RUNX1: variants seen among roughly 807,000 people sequenced by gnomAD.
RUNX1 encodes the protein RUNX family transcription factor 1, also known as runt-related transcription factor 1.
RUNX1 carries 19 observed loss-of-function variants against 42.8 expected under a neutral mutation model. The observed-to-expected ratio is 0.44, with a 90% confidence interval of 0.31 to 0.65. The LOEUF is 0.65. Among genes scored for constraint, RUNX1 ranks in the 30% least tolerant of loss-of-function variants. The pLI, the probability that RUNX1 is intolerant of heterozygous loss-of-function variation, is 0.07. For missense variants in RUNX1, 528 were observed against 672.0 expected, an observed-to-expected ratio of 0.79 and a Z score of 2.37; for synonymous variants, 271 against 289.4, an observed-to-expected ratio of 0.94 and a Z score of 0.64.
intron 6 of RUNX1, among the ~76,000 whole-genome samples, chr21:34,851,025 C>T (rs1601452505): frequency 6.6e-6 from 1 of 152,256 alleles, no homozygotes; most frequent in East Asian, 1.9e-4. Context: ...CAACTGTCCC[C>T]GTTTTGGAGA....
intron 2 of RUNX1, among the ~76,000 whole-genome samples, chr21:34,952,829 C>T (rs1267480538): frequency 6.6e-6 from 1 of 152,136 alleles, no homozygotes; most frequent in African/African-American, 2.4e-5. Flanking sequence ...TCATTAACTA[C>T]CTCCTCACAC....
In RUNX1 at chr21:35,010,159, C is replaced by G. The variant is rs117844145; in HGVS notation, c.58+38683G>C. On this transcript the variant is annotated intron_variant, in intron 2 of 8. Transcript: ENST00000675419. ...TTCTGTTTCATCTCTGGCTATAAGG[C>G]ATACAAAACCATATTGCATATTTTG... Among the ~76,000 whole-genome samples, 19 of 152,094 alleles carry G rather than the reference C, an allele frequency of 1.2e-4. No individual in the cohort carries two copies. The East Asian group carries it at 3.7e-3, about 29-fold the overall frequency.
At chr21:34,871,547 G>A (rs902651091) in intron 5 of RUNX1, among the ~76,000 whole-genome samples, 3 of 152,144 alleles carry the variant, frequency 2.0e-5, no homozygotes, top group African/African-American at 2.4e-5. Context: ...GAACACCTAG[G>A]GGAGTCTCCC....
intron 7 of RUNX1, among the ~76,000 whole-genome samples, chr21:34,824,724 G>A (rs573362639): frequency 6.6e-6 from 1 of 152,154 alleles, no homozygotes; most frequent in Non-Finnish European, 1.5e-5. Context: ...GGGCCAGAGA[G>A]AAATAAGCAA....
intron 3 of RUNX1, chr21:34,888,297 A>G: frequency 9.4e-7 from 1 of 1,067,640 alleles, no homozygotes; most frequent in African/African-American, 1.6e-5. Flanking sequence ...AGATCGAAAC[A>G]GATCGGGCGG....
chr21:34,888,816 C>T (rs1351677954), intron 3 of RUNX1: 3 of 420,246 alleles, frequency 7.1e-6, no homozygotes, highest in Non-Finnish European at 9.8e-6. Flanking sequence ...TCAGCCAGGG[C>T]GCGGCTCGCC....
chr21:34,887,123 C>A (rs751439026), intron 3 of RUNX1, 27 bp from the exon 4 acceptor site: 1 of 1,597,922 alleles, frequency 6.3e-7, no homozygotes, highest in African/African-American at 1.3e-5. Context: ...CACAACAAGC[C>A]GATTGAGTTA....
chr21:34,893,520 T>C (rs1272156830), intron 2 of RUNX1, among the ~76,000 whole-genome samples: 1 of 152,170 alleles, frequency 6.6e-6, no homozygotes, highest in African/African-American at 2.4e-5. Flanking sequence ...AATTCCCAAA[T>C]ATGGATCACT....
chr21:34,955,906 A>C (rs747633600), intron 2 of RUNX1, among the ~76,000 whole-genome samples: 1 of 152,214 alleles, frequency 6.6e-6, no homozygotes, highest in Non-Finnish European at 1.5e-5. Context: ...AGTCAACTGC[A>C]CTTCAACCAG....
chr21:35,024,256 A>T (rs909255442), intron 2 of RUNX1, among the ~76,000 whole-genome samples: 1 of 152,212 alleles, frequency 6.6e-6, no homozygotes, highest in Admixed American at 6.5e-5. Context: ...TGGGGGCTGG[A>T]GCACCCATTT....
chr21:34,879,782 A>T (rs2057867967), intron 5 of RUNX1, among the ~76,000 whole-genome samples: 2 of 152,232 alleles, frequency 1.3e-5, no homozygotes, highest in South Asian at 2.1e-4. Context: ...TAATACTTGA[A>T]AATAATTGGA....
chr21:34,993,496 CCT>C (rs141543978), intron 2 of RUNX1, among the ~76,000 whole-genome samples: 71 of 120,356 alleles, frequency 5.9e-4, no homozygotes, highest in African/African-American at 2.7e-3. Context: ...TTTGTTTGTC[CCT>C]ACACACACAC....
intron 6 of RUNX1, among the ~76,000 whole-genome samples, chr21:34,841,524 C>A (rs2057234989): frequency 6.6e-6 from 1 of 152,260 alleles, no homozygotes. Context: ...CAGGTCATGT[C>A]ACCTGAGGTC....
intron 2 of RUNX1, among the ~76,000 whole-genome samples, chr21:34,946,600 C>T (rs961374727): frequency 2.6e-5 from 4 of 152,278 alleles, no homozygotes; most frequent in South Asian, 2.1e-4. Flanking sequence ...TAGAGGGTCT[C>T]ATAGCAATAC....
At chr21:34,984,487 C>T (rs193290218) in intron 2 of RUNX1, among the ~76,000 whole-genome samples, 122 of 152,248 alleles carry the variant, frequency 8.0e-4, no homozygotes, top group African/African-American at 2.9e-3. Flanking sequence ...GCAATAGCTA[C>T]GGCTCTTTGG....
At chr21:34,903,872 T>TA (rs1601552772) in intron 2 of RUNX1, among the ~76,000 whole-genome samples, 1 of 152,112 alleles carries the variant, frequency 6.6e-6, no homozygotes, top group Non-Finnish European at 1.5e-5. Context: ...TAGTCTGAAA[T>TA]AAAAAATAGC....
chr21:35,046,219 G>A (rs1314992623), intron 2 of RUNX1, among the ~76,000 whole-genome samples: 1 of 152,210 alleles, frequency 6.6e-6, no homozygotes, highest in Non-Finnish European at 1.5e-5. Flanking sequence ...CGAGTTCTCT[G>A]TGGTAGACCA....
At chr21:34,809,884 C>G (rs190038783) in intron 7 of RUNX1, among the ~76,000 whole-genome samples, 76 of 152,304 alleles carry the variant, frequency 5.0e-4, no homozygotes, top group Middle Eastern at 3.4e-3. Flanking sequence ...AAATGATGAA[C>G]CCCCTAACCT....
intron 6 of RUNX1, among the ~76,000 whole-genome samples, chr21:34,852,220 C>T (rs2057432092): frequency 6.6e-6 from 1 of 151,988 alleles, no homozygotes; most frequent in African/African-American, 2.4e-5. Flanking sequence ...CACAAAAAAC[C>T]TCAGTGGTTT....
Sources: gnomAD v4.1 joint callset for allele counts (sites outside exome capture counted in the v4.1 genomes callset) on GRCh38, gnomAD v4.1.1 for gene constraint, MANE v1.5 for transcripts, NCBI Gene and HGNC (gene_info 2026-07-23, HGNC 2026-07-21) for gene names.